Variants in DTL observed in about 807,000 individuals in gnomAD.
The protein encoded by DTL is denticleless E3 ubiquitin protein ligase adapter, also known as denticleless protein homolog.
Under a neutral mutation model 87.0 loss-of-function variants are expected in DTL, and 46 were observed. The ratio of observed to expected loss-of-function variants is 0.53; its 90% CI spans 0.42 to 0.68. The LOEUF (loss-of-function observed/expected upper bound fraction) is 0.68, where lower values mean the gene tolerates loss of function less well. Among genes scored for constraint, DTL ranks in the 30% least tolerant of loss-of-function variants. The pLI is 0.00. For synonymous variants in DTL, 308 were observed against 311.2 expected (o/e 0.99, Z 0.11); for missense variants, 737 against 869.4 (o/e 0.85, Z 1.91).
chr1:212,080,756 G>GAT lies in DTL; in HGVS notation c.1261+9_1261+10dup. 4 of 1,613,006 alleles carry GAT rather than the reference G, an allele frequency of 2.5e-6. No individual in the cohort carries two copies. Among genetic ancestry groups the GAT allele is most frequent in the Non-Finnish European group, 3.4e-6 (4 of 1,179,322 alleles). The stretch of plus-strand genomic sequence containing the variant: ...AGAGTCAAGACCTGGCCTAGGTAAG[G>GAT]ATATCATATACTTTCCAAGTTTTTT... On this transcript the variant is annotated splice_region_variant and intron_variant, in intron 13 of 14. Coordinates refer to ENST00000366991, the MANE Select transcript of DTL (RefSeq NM_016448.4).
intron 5 of DTL, among the ~76,000 whole-genome samples, chr1:212,049,676 C>G (rs1042205838): frequency 5.9e-5 from 9 of 152,210 alleles, no homozygotes; most frequent in Non-Finnish European, 1.3e-4. Flanking sequence ...TAGATAATAG[C>G]TCCACTCACT....
At chr1:212,094,305 A>G (rs1655379720) in intron 13 of DTL, among the ~76,000 whole-genome samples, 1 of 152,140 alleles carries the variant, frequency 6.6e-6, no homozygotes, top group Admixed American at 6.5e-5. Context: ...ATCCAGTTTC[A>G]TTCTCCTACA....
intron 5 of DTL, among the ~76,000 whole-genome samples, chr1:212,057,253 A>ACATCTAG (rs1466069889): frequency 6.6e-6 from 1 of 152,170 alleles, no homozygotes; most frequent in Admixed American, 6.5e-5. Context: ...CAGAGAAAAA[A>ACATCTAG]CATCTAGTCA....
In DTL at chr1:212,070,943, G is replaced by A. The variant is rs866497200; in HGVS notation, c.923-1158G>A. 1.1e-4 allele frequency among the ~76,000 whole-genome samples: 16 copies of A among 152,288 alleles called. 1 individual carries two copies. The highest frequency in any genetic ancestry group is 4.1e-4 in the South Asian group (2 of 4,834). ...CTTACAGGTGTAGTGGGAAATTCAGGCTAGAGTTTTCCATTCATAGTTGAG... is the reference window on the plus strand; with the variant it reads ...CTTACAGGTGTAGTGGGAAATTCAGACTAGAGTTTTCCATTCATAGTTGAG... On this transcript the variant is annotated intron_variant, in intron 10 of 14. Transcript: ENST00000366991.
intron 5 of DTL, among the ~76,000 whole-genome samples, chr1:212,053,940 G>A (rs951916634): frequency 2.6e-5 from 4 of 152,072 alleles, no homozygotes; most frequent in African/African-American, 9.7e-5. Context: ...CTGGCTCTTT[G>A]TAAGTCAAGT....
At position 212,104,489 on chromosome 1, in the gene DTL, T is replaced by A. The variant is rs1655716978; in HGVS notation, c.*1549T>A. 6.6e-6 allele frequency: 1 copy of A among 152,194 alleles called. No homozygotes were observed. 9.4% of individuals were successfully genotyped at this position (152,194 alleles called of 1,614,324 possible). ...CTAATCTGCTTATATTTGGTGTTTG[T>A]TTTTTGACTGTTGGGCTTTGGGAAG... On this transcript the variant is annotated 3_prime_UTR_variant, in exon 15 of 15. Coordinates refer to ENST00000366991, the MANE Select transcript of DTL (RefSeq NM_016448.4).
At chr1:212,051,703 G>C in intron 5 of DTL, 1 of 1,204,780 alleles carries the variant, frequency 8.3e-7, no homozygotes, top group Non-Finnish European at 1.2e-6. Context: ...AAGCTATCTC[G>C]GCTCTTAGAA....
intron 5 of DTL, among the ~76,000 whole-genome samples, chr1:212,054,522 G>A (rs1404006866): frequency 6.6e-6 from 1 of 151,842 alleles, no homozygotes; most frequent in East Asian, 1.9e-4. Flanking sequence ...GGCCAGGCAC[G>A]GTGGCTCATG....
At chr1:212,090,165 A>C (rs916752733) in intron 13 of DTL, among the ~76,000 whole-genome samples, 1 of 152,340 alleles carries the variant, frequency 6.6e-6, no homozygotes, top group Admixed American at 6.5e-5. Flanking sequence ...TTTTTCAGTA[A>C]TTATCCTTAT....
intron 5 of DTL, among the ~76,000 whole-genome samples, chr1:212,061,467 T>C (rs1281029261): frequency 6.8e-6 from 1 of 146,258 alleles, no homozygotes; most frequent in Admixed American, 7.0e-5. Context: ...TGTAAATTAG[T>C]CCAGTCACTA....
intron 13 of DTL, among the ~76,000 whole-genome samples, chr1:212,093,721 A>G (rs1177485596): frequency 6.6e-6 from 1 of 152,104 alleles, no homozygotes; most frequent in Non-Finnish European, 1.5e-5. Flanking sequence ...TGTTCCTCAC[A>G]ACATCCAGCC....
intron 11 of DTL, among the ~76,000 whole-genome samples, chr1:212,073,242 T>G (rs1244829815): frequency 1.3e-5 from 2 of 152,200 alleles, no homozygotes; most frequent in Non-Finnish European, 2.9e-5. Context: ...ATGGAAATGT[T>G]CTGGGAATTC....
At chr1:212,050,196 T>A (rs1049605059) in intron 5 of DTL, among the ~76,000 whole-genome samples, 1 of 151,968 alleles carries the variant, frequency 6.6e-6, no homozygotes, top group African/African-American at 2.4e-5. Flanking sequence ...AATCAATCGA[T>A]CTATCTATAA....
At chr1:212,069,108 C>A (rs1654595274) in intron 10 of DTL, among the ~76,000 whole-genome samples, 1 of 152,026 alleles carries the variant, frequency 6.6e-6, no homozygotes, top group Non-Finnish European at 1.5e-5. Flanking sequence ...TCTCAGCCTT[C>A]TCCTTAATGT....
At position 212,042,981 on chromosome 1, in the gene DTL, A is replaced by C. The variant is rs1414804427; in HGVS notation, c.53-12A>C. ...CTGTATTGGAATTCTATAAGGAATT[A>C]TCTTGTTTTAGGATGGTCTTCACAA... On this transcript the variant is annotated splice_polypyrimidine_tract_variant and intron_variant, in intron 1 of 14. Transcript: ENST00000366991. 1 of 1,587,764 alleles carries C rather than the reference A, an allele frequency of 6.3e-7. No homozygotes were observed. The highest frequency in any genetic ancestry group is 1.4e-5 in the African/African-American group (1 of 73,876).
chr1:212,042,883 C>G, intron 1 of DTL, 110 bp from the exon 2 acceptor site: 1 of 1,005,312 alleles, frequency 9.9e-7, no homozygotes, highest in Non-Finnish European at 1.4e-6. Flanking sequence ...GTAAGTGGAT[C>G]TATGTTAATA....
At chr1:212,059,988 A>C (rs1427007106) in intron 5 of DTL, among the ~76,000 whole-genome samples, 1 of 152,146 alleles carries the variant, frequency 6.6e-6, no homozygotes, top group Non-Finnish European at 1.5e-5. Flanking sequence ...AAAGACCTCT[A>C]TAAGGAAAAG....
At chr1:212,099,364 G>T (rs1425797077) in intron 13 of DTL, among the ~76,000 whole-genome samples, 2 of 152,158 alleles carry the variant, frequency 1.3e-5, no homozygotes, top group Non-Finnish European at 2.9e-5. Context: ...CTCCTGAGTA[G>T]CTGGGACTAC....
chr1:212,082,442 C>T (rs116361365), intron 13 of DTL, among the ~76,000 whole-genome samples: 1,636 of 152,154 alleles, frequency 0.011, 29 homozygotes, highest in African/African-American at 0.037. Context: ...TATAACATTT[C>T]ACAGTGATTG....
Sources: allele counts gnomAD v4.1 joint callset (sites outside exome capture counted in the v4.1 genomes callset), GRCh38; gene constraint gnomAD v4.1.1; transcripts MANE v1.5; gene names NCBI Gene and HGNC (gene_info 2026-07-23, HGNC 2026-07-21).